ADAMTS16: variants seen among roughly 807,000 people sequenced by gnomAD.
ADAMTS16 encodes the protein A disintegrin and metalloproteinase with thrombospondin motifs 16.
ADAMTS16 carries 94 observed loss-of-function variants against 145.8 expected under a neutral mutation model. The observed-to-expected ratio is 0.64, with a 90% CI of 0.55 to 0.77. The LOEUF is 0.77. Ranked by LOEUF, ADAMTS16 falls within the 30% of genes least tolerant of loss-of-function variation. The pLI is 0.00. For synonymous variants in ADAMTS16, 659 were observed against 604.3 expected, an observed-to-expected ratio of 1.09 and a Z score of -1.33; for missense variants, 1,585 against 1,591.5, an observed-to-expected ratio of 1.00 and a Z score of 0.07.
chr5:5,267,819 C>G (rs1433594416), intron 18 of ADAMTS16, among the ~76,000 whole-genome samples: 3 of 152,210 alleles, frequency 2.0e-5, no homozygotes, highest in African/African-American at 7.2e-5. Flanking sequence ...AGAGTGGAGC[C>G]CTCACCAGGG....
chr5:5,251,018 C>T (rs1044394136), intron 17 of ADAMTS16, among the ~76,000 whole-genome samples: 1 of 152,100 alleles, frequency 6.6e-6, no homozygotes, highest in African/African-American at 2.4e-5. Context: ...TCGGGGCCTC[C>T]TCCCCAGTGT....
intron 4 of ADAMTS16, among the ~76,000 whole-genome samples, chr5:5,182,770 G>C (rs951552976): frequency 6.8e-6 from 1 of 146,648 alleles, no homozygotes; most frequent in African/African-American, 2.6e-5. Context: ...TATCACCAAA[G>C]CTTTATCAGA....
intron 4 of ADAMTS16, among the ~76,000 whole-genome samples, chr5:5,183,909 AG>A (rs1457397365): frequency 6.6e-6 from 1 of 152,236 alleles, no homozygotes; most frequent in African/African-American, 2.4e-5. Flanking sequence ...AGTGGAAAAA[AG>A]TTCCCATGGT....
chr5:5,214,273 C>T (rs189018844), intron 10 of ADAMTS16, among the ~76,000 whole-genome samples: 91 of 152,112 alleles, frequency 6.0e-4, no homozygotes, highest in African/African-American at 1.7e-3. Context: ...TCATAGTGGA[C>T]GGTGGGAGAA....
Position 5,310,577 on chromosome 5 carries a change from T to G in ADAMTS16, c.3411+3849T>G, listed in dbSNP as rs544321114. The stretch of plus-strand genomic sequence containing the variant: ...AGAGACTCCTCACATGGGGAGCAAG[T>G]GGTGGGTGGCACTGGCTGTGTGATG... On this transcript the variant is annotated intron_variant, in intron 21 of 22. Transcript: ENST00000274181. The surrounding 1 kb of genome is among the most constrained non-coding windows in gnomAD (Gnocchi z 4.3). Among the ~76,000 whole-genome samples, 1 of 152,138 alleles carries G rather than the reference T, an allele frequency of 6.6e-6. No homozygotes were observed. The highest frequency in any genetic ancestry group is 1.9e-4 in the East Asian group (1 of 5,160).
intron 3 of ADAMTS16, among the ~76,000 whole-genome samples, chr5:5,160,979 A>G (rs1029771095): frequency 2.0e-5 from 3 of 152,196 alleles, no homozygotes; most frequent in Non-Finnish European, 2.9e-5. Flanking sequence ...AATCTCACAG[A>G]TTGCAATTTA....
At chr5:5,255,350 CA>C (rs1737746104) in intron 17 of ADAMTS16, among the ~76,000 whole-genome samples, 1 of 152,100 alleles carries the variant, frequency 6.6e-6, no homozygotes, top group Admixed American at 6.5e-5. Context: ...TTATTTAACA[CA>C]GAGGATTTGT....
rs775691548 is a variant in ADAMTS16 at position 5,146,320 on chromosome 5, C to A, written c.366C>A (p.Gly122=). 4.8e-5 allele frequency: 78 copies of A among 1,614,068 alleles called. No individual in the cohort carries two copies. Among genetic ancestry groups the A allele is most frequent in the Non-Finnish European group, 6.1e-5 (72 of 1,180,050 alleles). ...CTTCCAGCAGCCTAGTGGCTCCTGG[C>A]TTTATTGTGCAGACGTTGGGAAAGA... ...LRTSSSLVAP[G]FIVQTLGKTG... The change falls in exon 3 of 23, where the codon GGC becomes GGA. Residue 122 remains glycine (G), a synonymous_variant. Transcript: ENST00000274181.
At chr5:5,201,013 T>A (rs1028825192) in intron 9 of ADAMTS16, among the ~76,000 whole-genome samples, 4 of 152,258 alleles carry the variant, frequency 2.6e-5, no homozygotes, top group African/African-American at 9.6e-5. Context: ...GTTTGAAGTT[T>A]GGTTTAAATC....
chr5:5,187,546 C>T (rs1412158710), intron 5 of ADAMTS16, among the ~76,000 whole-genome samples, 179 bp from the exon 6 acceptor site: 1 of 152,220 alleles, frequency 6.6e-6, no homozygotes, highest in Admixed American at 6.5e-5. Context: ...GGACCCCACT[C>T]CCAGCTGAAG....
At position 5,232,489 on chromosome 5, in the gene ADAMTS16, A is replaced by G; in HGVS notation, c.1823A>G (p.His608Arg). ...AGGACCTGCGGAGGGGGAGTATCTCATAGGAGTCGCCTCTGCACCAACCCC... is the reference window on the plus strand; with the variant it reads ...AGGACCTGCGGAGGGGGAGTATCTCGTAGGAGTCGCCTCTGCACCAACCCC... ...CSRTCGGGVSHRSRLCTNPKP... is the reference protein window; with the variant it reads ...CSRTCGGGVSRRSRLCTNPKP... Residue 608 changes from histidine (H) to arginine (R), a missense_variant, in exon 12 of 23, where the codon CAT becomes CGT. This residue lies in a region of ADAMTS16 where 834 missense variants were observed against 811.7 expected (regional missense o/e 1.03). Coordinates refer to ENST00000274181, the MANE Select transcript of ADAMTS16 (RefSeq NM_139056.4). 1 of 1,613,484 alleles carries G rather than the reference A, an allele frequency of 6.2e-7. No individual in the cohort carries two copies. The highest frequency in any genetic ancestry group is 2.2e-5 in the East Asian group (1 of 44,854).
rs1350854544 is a variant in ADAMTS16, at chr5:5,187,797, G to A, written c.1036G>A (p.Glu346Lys). Residue 346 changes from glutamate to lysine, a missense_variant, in exon 6 of 23, where the codon GAA becomes AAA. By Grantham distance (56) the Glu-to-Lys change is moderately conservative (BLOSUM62 1). Coordinates refer to ENST00000274181, the MANE Select transcript of ADAMTS16 (RefSeq NM_139056.4). ...TGCAATTGTAGGTCTGATTCTTCTA[G>A]AAGATGAACAGGTAGTTTATCTTTG... ...NIAIVGLILL[E>K]DEQPGLVISH... 1 of 1,600,174 alleles carries A rather than the reference G, an allele frequency of 6.2e-7. No homozygotes were observed. Among genetic ancestry groups the A allele is most frequent in the Admixed American group, 1.7e-5 (1 of 59,878 alleles).
intron 21 of ADAMTS16, among the ~76,000 whole-genome samples, chr5:5,312,667 C>T (rs1361329118): frequency 2.6e-5 from 4 of 152,104 alleles, no homozygotes; most frequent in Admixed American, 6.5e-5. Flanking sequence ...AGGCTGGTCT[C>T]GAACTCCTGA....
Position 5,182,156 on chromosome 5 carries a change from A to G in ADAMTS16, c.614A>G (p.Tyr205Cys), listed in dbSNP as rs1735357163. 1 of 1,614,134 alleles carries G rather than the reference A, an allele frequency of 6.2e-7. No individual in the cohort carries two copies. Among genetic ancestry groups the G allele is most frequent in the Middle Eastern group, 1.6e-4 (1 of 6,062 alleles). ...AQGSSPSHVLYKRSTEPHAPG... is the reference protein window; with the variant it reads ...AQGSSPSHVLCKRSTEPHAPG... ...GGCAGCTCGCCATCCCACGTACTGT[A>G]CAAGAGATCCACAGAGCCCCATGCT... The change falls in exon 4 of 23, where the codon TAC becomes TGC. Residue 205 changes from tyrosine to cysteine, a missense_variant. Physicochemically the swap from Tyr to Cys is radical, Grantham distance 194. Coordinates refer to ENST00000274181, the MANE Select transcript of ADAMTS16 (RefSeq NM_139056.4).
intron 22 of ADAMTS16, 115 bp downstream of exon 22, chr5:5,318,396 C>A: frequency 9.4e-7 from 1 of 1,059,520 alleles, no homozygotes; most frequent in Non-Finnish European, 1.2e-6. Context: ...TACCTTTTCT[C>A]TCTTTGCATC....
intron 7 of ADAMTS16, among the ~76,000 whole-genome samples, chr5:5,191,460 C>T (rs1479854198): frequency 6.6e-6 from 1 of 152,076 alleles, no homozygotes; most frequent in African/African-American, 2.4e-5. Context: ...TACATAGAAC[C>T]ATGAATTGTG....
intron 18 of ADAMTS16, among the ~76,000 whole-genome samples, chr5:5,275,387 C>A (rs1011362917): frequency 6.6e-6 from 1 of 151,828 alleles, no homozygotes; most frequent in Non-Finnish European, 1.5e-5. Context: ...ATAAATATTT[C>A]CCGTGAGAAT....
intron 18 of ADAMTS16, among the ~76,000 whole-genome samples, chr5:5,298,294 A>C (rs1352538668): frequency 1.3e-5 from 2 of 152,256 alleles, no homozygotes; most frequent in African/African-American, 4.8e-5. Context: ...GTGTGTGGGC[A>C]CAGTGCAATC....
chr5:5,301,897 C>T (rs571375394), intron 18 of ADAMTS16, among the ~76,000 whole-genome samples: 6 of 152,184 alleles, frequency 3.9e-5, no homozygotes, highest in Non-Finnish European at 7.4e-5. Flanking sequence ...AGGTGGGACC[C>T]CTGGTGCCCT....
Sources: gnomAD v4.1 joint callset for allele counts (sites outside exome capture counted in the v4.1 genomes callset) on GRCh38, gnomAD v4.1.1 for gene constraint, gnomAD v4.1.1 regional missense constraint, Gnocchi (gnomAD v3.1) non-coding constraint, MANE v1.5 for transcripts, NCBI Gene and HGNC (gene_info 2026-07-23, HGNC 2026-07-21) for gene names.